The following MTMR3 variants were observed in gnomAD, a reference collection of about 807,000 sequenced individuals.
MTMR3 encodes the protein phosphatidylinositol-3,5-bisphosphate 3-phosphatase MTMR3.
MTMR3 carries 32 observed loss-of-function variants against 132.4 expected under a neutral mutation model. The observed-to-expected ratio is 0.24, with a 90% CI of 0.18 to 0.32. MTMR3 has a LOEUF of 0.32. Among genes scored for constraint, MTMR3 ranks in the 10% least tolerant of loss-of-function variants. MTMR3 has a pLI of 1.00. For synonymous variants in MTMR3, 556 were observed against 550.3 expected (o/e 1.01, Z -0.14); for missense variants, 1,216 against 1,489.6 (o/e 0.82, Z 3.02).
At chr22:29,903,139 C>A (rs1232949190) in intron 1 of MTMR3, among the ~76,000 whole-genome samples, 1 of 152,146 alleles carries the variant, frequency 6.6e-6, no homozygotes, top group Non-Finnish European at 1.5e-5. Context: ...GCATGAGAAT[C>A]ACTTGAACCC....
At position 29,906,270 on chromosome 22, in the gene MTMR3, G is replaced by A. The variant is rs375235410; in HGVS notation, c.-138+22911G>A. ...CGTCTGTCTGTCTGTCTGTCTGTCT[G>A]TCTGTCTGTCTGTCTGTCTATCTAT... On this transcript the variant is annotated intron_variant, in intron 1 of 19. Transcript: ENST00000401950. Among the ~76,000 whole-genome samples, 8 of 104,292 alleles carry A rather than the reference G, an allele frequency of 7.7e-5. No homozygotes were observed. In the East Asian group the frequency reaches 1.4e-3, roughly 19 times the overall value. The allele number at this position is 104,292 out of a possible 152,430, so 68.4% of individuals were successfully genotyped here.
In MTMR3 at chr22:29,923,078, A is replaced by G. The variant is rs1056561158; in HGVS notation, c.-137-33958A>G. On this transcript the variant is annotated intron_variant, in intron 1 of 19. Transcript: ENST00000401950. Reference sequence around the variant, plus strand: ...TTTTTTTGAGACGGAGTCTTGCTCTATTGCCCAGGCTGGGGTGCAGTGGCG... The same window carrying G: ...TTTTTTTGAGACGGAGTCTTGCTCTGTTGCCCAGGCTGGGGTGCAGTGGCG... Among the ~76,000 whole-genome samples, 13 of 137,380 alleles carry G rather than the reference A, an allele frequency of 9.5e-5. No individual in the cohort carries two copies. In the South Asian group the frequency reaches 1.1e-3, roughly 12 times the overall value. The allele number at this position is 137,380 out of a possible 152,430, so 90.1% of individuals were successfully genotyped here.
chr22:29,975,479 A>G (rs1047924925), intron 3 of MTMR3, among the ~76,000 whole-genome samples: 1 of 152,246 alleles, frequency 6.6e-6, no homozygotes. Flanking sequence ...TGAAATATAT[A>G]AAGAAAATGC....
chr22:29,887,745 C>G (rs1264588034), intron 1 of MTMR3, among the ~76,000 whole-genome samples: 3 of 152,136 alleles, frequency 2.0e-5, no homozygotes, highest in Non-Finnish European at 2.9e-5. Context: ...TCAGCACATT[C>G]TGTGTAAAGT....
chr22:29,968,225 T>C (rs1411638328), intron 2 of MTMR3, among the ~76,000 whole-genome samples: 3 of 152,204 alleles, frequency 2.0e-5, no homozygotes, highest in Admixed American at 2.0e-4. Flanking sequence ...GGTTTCACCT[T>C]CACATTCCAT....
intron 1 of MTMR3, among the ~76,000 whole-genome samples, chr22:29,888,836 C>T (rs1441001261): frequency 7.0e-6 from 1 of 143,588 alleles, no homozygotes; most frequent in Non-Finnish European, 1.5e-5. Context: ...TGCAGTGGCG[C>T]GATCTCGGCT....
chr22:29,932,501 G>A (rs1338577616), intron 1 of MTMR3, among the ~76,000 whole-genome samples: 2 of 152,162 alleles, frequency 1.3e-5, no homozygotes, highest in Non-Finnish European at 2.9e-5. Flanking sequence ...TTGCTGGGAA[G>A]GCACGGAAGT....
At chr22:29,897,487 C>T (rs997761668) in intron 1 of MTMR3, among the ~76,000 whole-genome samples, 1 of 152,122 alleles carries the variant, frequency 6.6e-6, no homozygotes, top group Non-Finnish European at 1.5e-5. Context: ...GGCTCTCACT[C>T]TGTTGCCCAT....
chr22:30,020,284 G>C lies in MTMR3; in HGVS notation c.2625G>C (p.Arg875Ser). The C allele has an allele frequency of 1.9e-6, 3 of 1,614,206 alleles. No individual in the cohort carries two copies. The highest frequency in any genetic ancestry group is 2.5e-6 in the Non-Finnish European group (3 of 1,180,030). The part of the protein sequence containing the change: ...RSCLVNSGKD[R>S]LPQTMEPSPS... ...GCCTTGTAAATAGTGGCAAGGACAGGCTTCCTCAGACCATGGAACCCAGCC... is the reference window on the plus strand; with the variant it reads ...GCCTTGTAAATAGTGGCAAGGACAGCCTTCCTCAGACCATGGAACCCAGCC... The change falls in exon 17 of 20, where the codon AGG (arginine) becomes AGC (serine). Residue 875 changes from arginine to serine, a missense_variant. This residue lies in a region of MTMR3 where 852 missense variants were observed against 852.0 expected (regional missense o/e 1.00). Coordinates refer to ENST00000401950, the MANE Select transcript of MTMR3 (RefSeq NM_021090.4).
chr22:30,010,833 G>C (rs2067400862), intron 12 of MTMR3: 1 of 152,124 alleles, frequency 6.6e-6, no homozygotes. Context: ...AGGAAAAAAT[G>C]TTTCTCAGGT....
chr22:29,899,555 T>C (rs2064965834), intron 1 of MTMR3: 1 of 152,188 alleles, frequency 6.6e-6, no homozygotes, highest in Admixed American at 6.5e-5. Flanking sequence ...ATCATTGTTT[T>C]TGGATATTAA....
chr22:29,918,261 C>T (rs2065345845), intron 1 of MTMR3, among the ~76,000 whole-genome samples: 1 of 152,204 alleles, frequency 6.6e-6, no homozygotes, highest in Non-Finnish European at 1.5e-5. Flanking sequence ...CTTTCTTACA[C>T]TAATATTCCA....
At chr22:29,916,493 C>T (rs549357258) in intron 1 of MTMR3, among the ~76,000 whole-genome samples, 2 of 152,164 alleles carry the variant, frequency 1.3e-5, no homozygotes, top group African/African-American at 2.4e-5. Context: ...TGGAAACTGC[C>T]TCAAAATACA....
At position 29,988,706 on chromosome 22, in the gene MTMR3, A is replaced by G. The variant is rs138222402; in HGVS notation, c.293+144A>G. On this transcript the variant is annotated intron_variant, in intron 6 of 19. Coordinates refer to ENST00000401950, the MANE Select transcript of MTMR3 (RefSeq NM_021090.4). The stretch of plus-strand genomic sequence containing the variant: ...TTTCTGAGTAGTTTGTGCCTGAAAT[A>G]TTTTATCTGTAGGATGTATACTTTG... 1.9e-3 allele frequency: 908 copies of G among 485,092 alleles called. 4 individuals are homozygous for G. Among genetic ancestry groups the G allele is most frequent in the African/African-American group, 0.016 (788 of 50,774 alleles). The allele number at this position is 485,092 out of a possible 1,614,324, so 30.0% of individuals were successfully genotyped here. A position where few individuals can be genotyped will look rare whatever the true frequency, so the allele number is the denominator to read the frequency against.
At chr22:29,979,844 T>C (rs2066705457) in intron 5 of MTMR3, 1 of 152,028 alleles carries the variant, frequency 6.6e-6, no homozygotes, top group Admixed American at 6.6e-5. Context: ...ATAATGTTGA[T>C]TTGCATAATG....
At chr22:29,887,736 C>T (rs747924447) in intron 1 of MTMR3, among the ~76,000 whole-genome samples, 14 of 152,190 alleles carry the variant, frequency 9.2e-5, no homozygotes, top group Non-Finnish European at 1.9e-4. Flanking sequence ...GCAAGGAGTT[C>T]AGCACATTCT....
intron 2 of MTMR3, among the ~76,000 whole-genome samples, chr22:29,970,596 C>T (rs1360498446): frequency 1.4e-5 from 2 of 146,072 alleles, no homozygotes; most frequent in East Asian, 2.0e-4. Context: ...CCTCAGCCTT[C>T]GAAAGTGCTG....
intron 1 of MTMR3, among the ~76,000 whole-genome samples, chr22:29,909,242 G>A (rs2065161282): frequency 6.6e-6 from 1 of 151,838 alleles, no homozygotes; most frequent in African/African-American, 2.4e-5. Flanking sequence ...TGAGATTTTT[G>A]TATAATTTGA....
chr22:30,023,408 G>C (rs2067817815), intron 19 of MTMR3: 1 of 1,609,858 alleles, frequency 6.2e-7, no homozygotes. Flanking sequence ...CCCAAGCCCA[G>C]ATATCTTTGG....
Sources: allele counts gnomAD v4.1 joint callset (sites outside exome capture counted in the v4.1 genomes callset), GRCh38; gene constraint gnomAD v4.1.1; regional missense constraint gnomAD v4.1.1; transcripts MANE v1.5; gene names NCBI Gene and HGNC (gene_info 2026-07-23, HGNC 2026-07-21).